PTK2B: variants seen among roughly 807,000 people sequenced by gnomAD.
PTK2B encodes protein-tyrosine kinase 2-beta.
In PTK2B, 71 loss-of-function variants were observed where a neutral mutation model predicts 142.9. The ratio of observed to expected loss-of-function variants is 0.50; its 90% CI spans 0.41 to 0.61. The LOEUF is 0.61. Ranked by LOEUF, PTK2B falls within the 20% of genes least tolerant of loss-of-function variation. PTK2B has a pLI of 0.00. For synonymous variants in PTK2B, 519 were observed against 503.4 expected, an observed-to-expected ratio of 1.03 and a Z score of -0.42; for missense variants, 1,105 against 1,320.4, an observed-to-expected ratio of 0.84 and a Z score of 2.53.
chr8:27,454,277 G>C lies in PTK2B; in HGVS notation c.2719G>C (p.Val907Leu). 6.2e-7 allele frequency: 1 copy of C among 1,613,498 alleles called. No homozygotes were observed. Among genetic ancestry groups the C allele is most frequent in the Non-Finnish European group, 8.5e-7 (1 of 1,179,886 alleles). Reference sequence around the variant, plus strand: ...CTGTCAGCTGCCCCCCGAGGGCTACGTGGTGGTGGTGAAGGTGAGAGCAGG... The same window carrying C: ...CTGTCAGCTGCCCCCCGAGGGCTACCTGGTGGTGGTGAAGGTGAGAGCAGG... ...ELCQLPPEGY[V>L]VVVKNVGLTL... is the part of the protein sequence containing the mutation. The change falls in exon 29 of 31, where the codon GTG becomes CTG. Residue 907 changes from valine to leucine, a missense_variant. Coordinates refer to ENST00000346049, the MANE Select transcript of PTK2B (RefSeq NM_173176.3).
At chr8:27,347,091 G>A (rs1250865668) in intron 1 of PTK2B, among the ~76,000 whole-genome samples, 2 of 152,064 alleles carry the variant, frequency 1.3e-5, no homozygotes, top group African/African-American at 4.8e-5. Context: ...AAAAGTCATG[G>A]CTAGGCTGGA....
chr8:27,457,320 G>GA (rs1056597473), intron 30 of PTK2B, among the ~76,000 whole-genome samples: 3 of 152,002 alleles, frequency 2.0e-5, no homozygotes, highest in South Asian at 2.1e-4. Context: ...TTACTACTCA[G>GA]AAAAAAAAGA....
At position 27,350,989 on chromosome 8, in the gene PTK2B, AAATATATATATATATAT is replaced by A. The variant is rs1326553335; in HGVS notation, c.-38+25310_-38+25326del. The stretch of plus-strand genomic sequence containing the variant: ...AGTCTCCGTCTCAAAAAAAAAAAAA[AAATATATATATATATAT>A]ATATATATATATATATATATATATA... On this transcript the variant is annotated intron_variant, in intron 1 of 30. Coordinates refer to ENST00000346049, the MANE Select transcript of PTK2B (RefSeq NM_173176.3). Among the ~76,000 whole-genome samples, 69 of 17,724 alleles carry A rather than the reference AAATATATATATATATAT, an allele frequency of 3.9e-3. 14 individuals carry two copies. Among genetic ancestry groups the A allele is most frequent in the East Asian group, 0.032 (46 of 1,448 alleles). 11.6% of individuals were successfully genotyped at this position (17,724 alleles called of 152,430 possible).
intron 2 of PTK2B, among the ~76,000 whole-genome samples, chr8:27,414,405 C>A (rs370598328): frequency 1.3e-5 from 2 of 152,062 alleles, no homozygotes; most frequent in Non-Finnish European, 2.9e-5. Flanking sequence ...CCACCACACC[C>A]GGCTAATTTT....
At chr8:27,368,833 T>A (rs1336051180) in intron 1 of PTK2B, among the ~76,000 whole-genome samples, 2 of 152,148 alleles carry the variant, frequency 1.3e-5, no homozygotes, top group Non-Finnish European at 2.9e-5. Flanking sequence ...TGCTCTGTCA[T>A]GTGCCTGCCC....
intron 4 of PTK2B, 113 bp from the exon 5 acceptor site, chr8:27,422,191 T>G (rs1586287605): frequency 1.0e-6 from 1 of 966,078 alleles, no homozygotes; most frequent in Non-Finnish European, 1.5e-6. Context: ...TGTGGTGGGG[T>G]GGGTGGCTGT....
At chr8:27,424,442 G>GCCACACTT (rs956583248) in intron 5 of PTK2B, among the ~76,000 whole-genome samples, 2 of 152,168 alleles carry the variant, frequency 1.3e-5, no homozygotes, top group African/African-American at 4.8e-5. Flanking sequence ...TATTCTAAAA[G>GCCACACTT]CCACACTTGT....
At chr8:27,339,886 G>C (rs1015763210) in intron 1 of PTK2B, among the ~76,000 whole-genome samples, 2 of 152,216 alleles carry the variant, frequency 1.3e-5, no homozygotes, top group African/African-American at 4.8e-5. Flanking sequence ...CCATTCCTGG[G>C]CAGGATTCCA....
intron 2 of PTK2B, among the ~76,000 whole-genome samples, chr8:27,398,984 T>C (rs1202066509): frequency 6.6e-6 from 1 of 152,238 alleles, no homozygotes; most frequent in Non-Finnish European, 1.5e-5. Context: ...GGGCCTTGTT[T>C]GCTCATCTTT....
At chr8:27,368,724 A>G (rs1296362678) in intron 1 of PTK2B, among the ~76,000 whole-genome samples, 1 of 152,208 alleles carries the variant, frequency 6.6e-6, no homozygotes, top group East Asian at 1.9e-4. Flanking sequence ...ATTCAGGTCC[A>G]GGGAGAAGGA....
In PTK2B at chr8:27,430,835, G is replaced by T. The variant is rs200715347; in HGVS notation, c.670-41G>T. ...CCCTAAGGGAAGGAGTGAGACCTGG[G>T]AGGAGCAGGCATTGCTCACACGGCC... On this transcript the variant is annotated intron_variant, in intron 7 of 30. Transcript: ENST00000346049. 1.3e-4 allele frequency: 206 copies of T among 1,602,742 alleles called. 1 individual carries two copies. The highest frequency in any genetic ancestry group is 9.7e-4 in the Admixed American group (58 of 59,578).
intron 1 of PTK2B, among the ~76,000 whole-genome samples, chr8:27,346,837 C>A (rs889042156): frequency 1.3e-5 from 2 of 152,234 alleles, no homozygotes; most frequent in Non-Finnish European, 2.9e-5. Flanking sequence ...TTCTTTCTTT[C>A]ACTGAGCCAA....
intron 14 of PTK2B, 135 bp from the exon 15 acceptor site, chr8:27,436,116 C>T: frequency 1.2e-6 from 1 of 859,470 alleles, no homozygotes; most frequent in African/African-American, 1.7e-5. Flanking sequence ...CCCCATTTCC[C>T]CAGCCCAGTC....
At position 27,458,320 on chromosome 8, in the gene PTK2B, C is replaced by A; in HGVS notation, c.2841C>A (p.Asn947Lys). Residue 947 changes from asparagine (N) to lysine (K), a missense_variant, in exon 31 of 31, where the codon AAC (asparagine) becomes AAA (lysine). Transcript: ENST00000346049. ...TEIEGTQKLL[N>K]KDLAELINKM... is the part of the protein sequence containing the mutation. ...TCGAGGGCACCCAGAAACTGCTCAA[C>A]AAAGACCTGGCAGAGCTCATCAACA... The A allele has an allele frequency of 6.2e-7, 1 of 1,614,122 alleles. No homozygotes were observed. Among genetic ancestry groups the A allele is most frequent in the Non-Finnish European group, 8.5e-7 (1 of 1,180,010 alleles).
intron 1 of PTK2B, among the ~76,000 whole-genome samples, chr8:27,391,142 G>T (rs1586220491): frequency 6.7e-6 from 1 of 149,754 alleles, no homozygotes; most frequent in South Asian, 2.1e-4. Context: ...GTGCAATGGT[G>T]CAATCTCGGC....
At chr8:27,424,560 C>T (rs1809957466) in intron 5 of PTK2B, among the ~76,000 whole-genome samples, 1 of 152,160 alleles carries the variant, frequency 6.6e-6, no homozygotes. Context: ...TGTATGATAT[C>T]AGGGAGAGGA....
intron 1 of PTK2B, among the ~76,000 whole-genome samples, chr8:27,339,658 G>T (rs1346010130): frequency 6.6e-6 from 1 of 152,218 alleles, no homozygotes; most frequent in South Asian, 2.1e-4. Context: ...GGAAAGACTG[G>T]CAGGGTGGTA....
rs1812291522 is a variant in PTK2B, at chr8:27,458,446, C to T, written c.2967C>T (p.Asn989=). 6 of 1,606,952 alleles carry T rather than the reference C, an allele frequency of 3.7e-6. No individual in the cohort carries two copies. The highest frequency in any genetic ancestry group is 1.7e-6 in the Non-Finnish European group (2 of 1,176,700). The stretch of plus-strand genomic sequence containing the variant: ...ACACCCTGGCTGTGGACGCCAAGAA[C>T]CTGCTCGACGCTGTGGACCAGGCCA... ...ASHTLAVDAK[N]LLDAVDQAKV... Residue 989 remains asparagine, a synonymous_variant, in exon 31 of 31, where the codon AAC becomes AAT. Coordinates refer to ENST00000346049, the MANE Select transcript of PTK2B (RefSeq NM_173176.3).
At chr8:27,395,503 G>A (rs1807991798) in intron 1 of PTK2B, among the ~76,000 whole-genome samples, 1 of 152,170 alleles carries the variant, frequency 6.6e-6, no homozygotes, top group Non-Finnish European at 1.5e-5. Context: ...TAGCAGGGCT[G>A]CCACTGTTCC....
Sources: gnomAD v4.1 joint callset for allele counts (sites outside exome capture counted in the v4.1 genomes callset) on GRCh38, gnomAD v4.1.1 for gene constraint, MANE v1.5 for transcripts, NCBI Gene and HGNC (gene_info 2026-07-23, HGNC 2026-07-21) for gene names.